The following PRKCB variants were observed in gnomAD, a reference collection of about 807,000 sequenced individuals.
The protein encoded by PRKCB is protein kinase C beta type.
PRKCB carries 13 observed loss-of-function variants against 81.5 expected under a neutral mutation model. The ratio of observed to expected loss-of-function variants is 0.16; its 90% CI spans 0.10 to 0.25. The LOEUF (loss-of-function observed/expected upper bound fraction) is 0.25. PRKCB is among the 10% of genes least tolerant of loss of function. The pLI, the probability that PRKCB is intolerant of heterozygous loss-of-function variation, is 1.00. For missense variants in PRKCB, 509 were observed against 875.7 expected (o/e 0.58, Z 5.29); for synonymous variants, 335 against 321.4 (o/e 1.04, Z -0.45).
At chr16:24,084,744 A>G (rs150635022) in intron 5 of PRKCB, among the ~76,000 whole-genome samples, 45 of 152,220 alleles carry the variant, frequency 3.0e-4, no homozygotes, top group Non-Finnish European at 4.4e-4. Flanking sequence ...CCAAAGATCA[A>G]TGGATGAGTG....
At chr16:24,095,992 T>C (rs1307480177) in intron 7 of PRKCB, among the ~76,000 whole-genome samples, 1 of 152,150 alleles carries the variant, frequency 6.6e-6, no homozygotes, top group African/African-American at 2.4e-5. Context: ...GGGCAAGGGC[T>C]ATTATCATTT....
chr16:24,043,667 G>A (rs1338002267), intron 5 of PRKCB, among the ~76,000 whole-genome samples: 1 of 152,090 alleles, frequency 6.6e-6, no homozygotes, highest in Non-Finnish European at 1.5e-5. Flanking sequence ...GCTATTCAGT[G>A]TTCCTTCTCT....
chr16:24,088,888 CT>C (rs541191588), intron 5 of PRKCB, among the ~76,000 whole-genome samples: 57 of 152,214 alleles, frequency 3.7e-4, no homozygotes, highest in East Asian at 2.5e-3. Context: ...GTTCATAAGA[CT>C]GGGGCGGAGG....
intron 8 of PRKCB, among the ~76,000 whole-genome samples, chr16:24,117,326 C>T (rs1310258710): frequency 6.6e-6 from 1 of 152,184 alleles, no homozygotes; most frequent in Non-Finnish European, 1.5e-5. Context: ...TACTTCAGAA[C>T]ATCAGAGCTG....
chr16:23,840,076 G>A (rs1962239659), intron 2 of PRKCB, among the ~76,000 whole-genome samples: 1 of 152,186 alleles, frequency 6.6e-6, no homozygotes, highest in Admixed American at 6.5e-5. Flanking sequence ...GGCAGTCCCT[G>A]AAATTGAGAT....
intron 3 of PRKCB, among the ~76,000 whole-genome samples, chr16:24,023,239 C>CAGAACCAAACCCCATAGAGGG (rs1274576109): frequency 6.6e-6 from 1 of 152,200 alleles, no homozygotes; most frequent in Non-Finnish European, 1.5e-5. Context: ...TGAATGCGAT[C>CAGAACCAAACCCCATAGAGGG]AGAACCAAAC....
intron 3 of PRKCB, among the ~76,000 whole-genome samples, chr16:24,021,539 G>T (rs148535167): frequency 6.6e-6 from 1 of 151,244 alleles, no homozygotes; most frequent in Non-Finnish European, 1.5e-5. Flanking sequence ...GTCACTGGCC[G>T]GTGCTGAATT....
rs139848663 is a variant in PRKCB, at chr16:24,150,720, A to T, written c.1066-3964A>T. 3.3e-3 allele frequency among the ~76,000 whole-genome samples: 506 copies of T among 152,378 alleles called. 3 individuals are homozygous for T. The highest frequency in any genetic ancestry group is 0.011 in the African/African-American group (469 of 41,590). ...CAGGCTATTGCTTATTGTTGTAAAT[A>T]AAGTTTTATTAGACTACGGCCACAC... is the stretch of plus-strand genomic sequence containing the variant. On this transcript the variant is annotated intron_variant, in intron 9 of 16. Transcript: ENST00000643927.
At chr16:24,193,172 G>C (rs1022720704) in intron 16 of PRKCB, among the ~76,000 whole-genome samples, 13 of 151,940 alleles carry the variant, frequency 8.6e-5, no homozygotes, top group African/African-American at 2.9e-4. Flanking sequence ...GCCGGGTGCG[G>C]TGCCTCACGC....
chr16:24,115,370 T>C lies in PRKCB; in HGVS notation c.918+2301T>C, dbSNP rs1469474739. ...CAAAGAGTATTTATCCCAAGGATTT[T>C]AGCATTTATCCCAAGAATATTTATC... is the stretch of plus-strand genomic sequence containing the variant. On this transcript the variant is annotated intron_variant, in intron 8 of 16. Coordinates refer to ENST00000643927, the MANE Select transcript of PRKCB (RefSeq NM_002738.7). 1.7e-5 allele frequency among the ~76,000 whole-genome samples: 2 copies of C among 116,136 alleles called. 1 individual carries two copies. Among genetic ancestry groups the C allele is most frequent in the Admixed American group, 1.6e-4 (2 of 12,188 alleles). The allele number at this position is 116,136 out of a possible 152,430, so 76.2% of individuals were successfully genotyped here.
At chr16:24,158,173 A>T (rs1182909844) in intron 10 of PRKCB, among the ~76,000 whole-genome samples, 1 of 152,240 alleles carries the variant, frequency 6.6e-6, no homozygotes, top group African/African-American at 2.4e-5. Flanking sequence ...CTGAAGGAAG[A>T]GCAGATCCCC....
At chr16:24,135,476 G>A (rs1966861924) in intron 9 of PRKCB, among the ~76,000 whole-genome samples, 1 of 151,676 alleles carries the variant, frequency 6.6e-6, no homozygotes, top group South Asian at 2.1e-4. Flanking sequence ...CCACGCCCAA[G>A]TAATTTTTAT....
intron 2 of PRKCB, among the ~76,000 whole-genome samples, chr16:23,909,382 C>A (rs1011431267): frequency 6.6e-6 from 1 of 152,134 alleles, no homozygotes; most frequent in Non-Finnish European, 1.5e-5. Context: ...CTTGGCGAGA[C>A]CCTCCTCTTG....
intron 5 of PRKCB, 28 bp downstream of exon 5, chr16:24,035,575 C>T (rs762306893): frequency 6.2e-7 from 1 of 1,607,462 alleles, no homozygotes; most frequent in Non-Finnish European, 8.5e-7. Context: ...TCCACTGGCT[C>T]CTGACCTTGC....
At chr16:24,178,171 G>A (rs1967564061) in intron 12 of PRKCB, among the ~76,000 whole-genome samples, 1 of 152,200 alleles carries the variant, frequency 6.6e-6, no homozygotes, top group Non-Finnish European at 1.5e-5. Context: ...AACTGGAGAT[G>A]TTGGGTTGTG....
intron 3 of PRKCB, among the ~76,000 whole-genome samples, chr16:24,015,771 C>G (rs949834416): frequency 4.6e-5 from 7 of 152,122 alleles, no homozygotes; most frequent in Non-Finnish European, 1.0e-4. Flanking sequence ...ATTGTTTTCC[C>G]CAACTAGACT....
chr16:24,126,825 C>A lies in PRKCB; in HGVS notation c.1065+2844C>A, dbSNP rs150730678. Among the ~76,000 whole-genome samples, 6 of 151,844 alleles carry A rather than the reference C, an allele frequency of 4.0e-5. No individual in the cohort carries two copies. The East Asian group carries it at 9.7e-4, about 25-fold the overall frequency. Reference sequence around the variant, plus strand: ...TGCTGGGATTACAGACATGAGCCACCGCACCTGACCTAATTTTTGTATTTT... The same window carrying A: ...TGCTGGGATTACAGACATGAGCCACAGCACCTGACCTAATTTTTGTATTTT... On this transcript the variant is annotated intron_variant, in intron 9 of 16. Coordinates refer to ENST00000643927, the MANE Select transcript of PRKCB (RefSeq NM_002738.7).
At chr16:24,199,726 C>A (rs1177320365) in intron 16 of PRKCB, among the ~76,000 whole-genome samples, 1 of 152,192 alleles carries the variant, frequency 6.6e-6, no homozygotes, top group Non-Finnish European at 1.5e-5. Flanking sequence ...TCATTTAATT[C>A]TCTCAACCCT....
intron 5 of PRKCB, among the ~76,000 whole-genome samples, chr16:24,057,975 A>G (rs1965925837): frequency 6.6e-6 from 1 of 152,070 alleles, no homozygotes; most frequent in South Asian, 2.1e-4. Context: ...ACTGAAACCT[A>G]AACTCCTCAC....
Sources: gnomAD v4.1 joint callset for allele counts (sites outside exome capture counted in the v4.1 genomes callset) on GRCh38, gnomAD v4.1.1 for gene constraint, MANE v1.5 for transcripts, NCBI Gene and HGNC (gene_info 2026-07-23, HGNC 2026-07-21) for gene names.